The following EGFR variants were observed in gnomAD, a reference collection of about 807,000 sequenced individuals.
EGFR encodes the protein epidermal growth factor receptor, also known as avian erythroblastic leukemia viral (v-erb-b) oncogene homolog.
A neutral mutation model predicts 143.0 loss-of-function variants in EGFR; 58 were observed. The ratio of observed to expected loss-of-function variants is 0.41; its 90% confidence interval spans 0.33 to 0.50. The LOEUF is 0.50. EGFR is among the 20% of genes least tolerant of loss of function. EGFR has a pLI of 0.39. For missense variants in EGFR, 1,307 were observed against 1,579.0 expected (o/e 0.83, Z 2.92); for synonymous variants, 613 against 594.4 (o/e 1.03, Z -0.45).
chr7:55,180,252 C>G (rs17290420), intron 19 of EGFR: 47 of 152,242 alleles, frequency 3.1e-4, no homozygotes, highest in African/African-American at 1.0e-3. Context: ...TTTTCCATAT[C>G]TGAATAAAAG....
At chr7:55,044,015 C>T (rs1269237182) in intron 1 of EGFR, 1 of 152,208 alleles carries the variant, frequency 6.6e-6, no homozygotes, top group Non-Finnish European at 1.5e-5. Context: ...TATATGCACC[C>T]ACCCAGACAC....
chr7:55,045,464 T>G (rs113332393), intron 1 of EGFR, among the ~76,000 whole-genome samples: 2 of 152,348 alleles, frequency 1.3e-5, no homozygotes, highest in African/African-American at 4.8e-5. Flanking sequence ...TTCTCACTTG[T>G]GAACAGAAGG....
At chr7:55,020,435 A>G (rs1484578267) in intron 1 of EGFR, among the ~76,000 whole-genome samples, 5 of 152,322 alleles carry the variant, frequency 3.3e-5, no homozygotes, top group South Asian at 2.1e-4. Context: ...ATCCTGGCCA[A>G]CACCATGGTG....
intron 15 of EGFR, 102 bp from the exon 16 acceptor site, chr7:55,171,073 T>C (rs1270495910): frequency 9.0e-6 from 14 of 1,559,388 alleles, no homozygotes; most frequent in African/African-American, 2.7e-5. Context: ...TATTTAAGAG[T>C]AGTTTAGCAT....
chr7:55,026,683 C>T (rs569660394), intron 1 of EGFR, among the ~76,000 whole-genome samples: 1 of 152,166 alleles, frequency 6.6e-6, no homozygotes, highest in Non-Finnish European at 1.5e-5. Flanking sequence ...AACTTGCCTC[C>T]TCCCAGAGAT....
At chr7:55,171,713 G>A (rs957432071) in intron 16 of EGFR, among the ~76,000 whole-genome samples, 6 of 152,150 alleles carry the variant, frequency 3.9e-5, no homozygotes, top group Non-Finnish European at 2.9e-5. Flanking sequence ...TGGCCAGTTT[G>A]CCAGAGCAAA....
rs566871033 is a variant in EGFR at position 55,036,928 on chromosome 7, A to G, written c.88+17563A>G. Among the ~76,000 whole-genome samples, 19 of 152,190 alleles carry G rather than the reference A, an allele frequency of 1.2e-4. No homozygotes were observed. The South Asian group carries it at 3.9e-3, about 32-fold the overall frequency. On this transcript the variant is annotated intron_variant, in intron 1 of 27. Transcript: ENST00000275493. The stretch of plus-strand genomic sequence containing the variant: ...CTCCCTTCCTTGTCTGTTCCCTCCC[A>G]TTGTCAGGCTTCTGTGGAGCCATAT...
At chr7:55,035,892 A>G (rs1287862016) in intron 1 of EGFR, among the ~76,000 whole-genome samples, 1 of 151,990 alleles carries the variant, frequency 6.6e-6, no homozygotes, top group Non-Finnish European at 1.5e-5. Context: ...CAGTAGTAAC[A>G]TCTTAGTAGC....
At chr7:55,152,786 T>C in intron 6 of EGFR, 122 bp downstream of exon 6, 1 of 777,260 alleles carries the variant, frequency 1.3e-6, no homozygotes. Flanking sequence ...ACAGACAGGA[T>C]ATTGCCCTCT....
At chr7:55,160,895 A>G (rs757299603) in intron 12 of EGFR, among the ~76,000 whole-genome samples, 2 of 152,234 alleles carry the variant, frequency 1.3e-5, no homozygotes, top group Non-Finnish European at 2.9e-5. Context: ...GAATGGAGAT[A>G]TGAATGATTC....
In EGFR at chr7:55,205,513, T is replaced by A. The variant is rs1788074933; in HGVS notation, c.3529T>A (p.Phe1177Ile). The A allele has an allele frequency of 6.2e-7, 1 of 1,614,204 alleles. No individual in the cohort carries two copies. The change falls in exon 28 of 28, where the codon TTT (phenylalanine) becomes ATT (isoleucine). Residue 1177 changes from phenylalanine (F) to isoleucine (I), a missense_variant. Physicochemically the swap from Phe to Ile is conservative, Grantham distance 21 (BLOSUM62 0). Transcript: ENST00000275493. ...LDNPDYQQDFFPKEAKPNGIF... is the reference protein window; with the variant it reads ...LDNPDYQQDFIPKEAKPNGIF... ...CAACCCTGACTACCAGCAGGACTTC[T>A]TTCCCAAGGAAGCCAAGCCAAATGG...
At chr7:55,039,552 G>A (rs1445357637) in intron 1 of EGFR, among the ~76,000 whole-genome samples, 1 of 152,194 alleles carries the variant, frequency 6.6e-6, no homozygotes, top group Non-Finnish European at 1.5e-5. Flanking sequence ...TATCCCAAAA[G>A]GAATGTGCTT....
chr7:55,193,176 G>A (rs1787476180), intron 22 of EGFR, among the ~76,000 whole-genome samples: 1 of 152,176 alleles, frequency 6.6e-6, no homozygotes, highest in Non-Finnish European at 1.5e-5. Flanking sequence ...AATTTGAAGT[G>A]AACCAGAGGG....
rs568514668 is a variant in EGFR at position 55,129,698 on chromosome 7, G to A, written c.89-12588G>A. Among the ~76,000 whole-genome samples, 40 of 152,252 alleles carry A rather than the reference G, an allele frequency of 2.6e-4. No homozygotes were observed. The South Asian group carries it at 2.7e-3, about 10-fold the overall frequency. On this transcript the variant is annotated intron_variant, in intron 1 of 27. Coordinates refer to ENST00000275493, the MANE Select transcript of EGFR (RefSeq NM_005228.5). ...CCCCAGCCCCTGCATTTCCCTCTCC[G>A]GTTTCAGGACCTTGTATCTTACTTC...
At chr7:55,122,647 CCT>C (rs1793279087) in intron 1 of EGFR, among the ~76,000 whole-genome samples, 1 of 152,220 alleles carries the variant, frequency 6.6e-6, no homozygotes, top group Non-Finnish European at 1.5e-5. Flanking sequence ...TTCCCTTTGC[CCT>C]TTCTCCCCTT....
At chr7:55,067,314 C>T (rs1048556144) in intron 1 of EGFR, among the ~76,000 whole-genome samples, 2 of 145,964 alleles carry the variant, frequency 1.4e-5, no homozygotes, top group African/African-American at 2.8e-5. Context: ...AAGGGAGAGC[C>T]GGAGCCCATG....
intron 16 of EGFR, among the ~76,000 whole-genome samples, chr7:55,172,653 G>A (rs924723156): frequency 3.3e-5 from 5 of 152,156 alleles, no homozygotes; most frequent in Non-Finnish European, 7.4e-5. Context: ...CCATGAAAAA[G>A]CATTATTGAA....
At chr7:55,201,007 A>G (rs1295076707) in intron 24 of EGFR, among the ~76,000 whole-genome samples, 181 bp from the exon 25 acceptor site, 3 of 152,176 alleles carry the variant, frequency 2.0e-5, no homozygotes, top group Non-Finnish European at 4.4e-5. Context: ...TTTTATTTTA[A>G]GGCACCCACA....
chr7:55,158,217 C>G (rs1562769049), intron 11 of EGFR, among the ~76,000 whole-genome samples: 4 of 152,212 alleles, frequency 2.6e-5, no homozygotes. Flanking sequence ...TAGCACCACT[C>G]TTCAAGAATT....
Sources: allele counts gnomAD v4.1 joint callset (sites outside exome capture counted in the v4.1 genomes callset), GRCh38; gene constraint gnomAD v4.1.1; transcripts MANE v1.5; gene names NCBI Gene and HGNC (gene_info 2026-07-23, HGNC 2026-07-21).